Variants in TENM2 observed in about 807,000 individuals in gnomAD.
The protein encoded by TENM2 is teneurin transmembrane protein 2.
TENM2 carries 52 observed loss-of-function variants against 245.2 expected under a neutral mutation model. The ratio of observed to expected loss-of-function variants is 0.21; its 90% CI spans 0.17 to 0.27. The LOEUF is 0.27. TENM2 is among the 10% of genes least tolerant of loss of function. The pLI, the probability that TENM2 is intolerant of heterozygous loss-of-function variation, is 1.00. For missense variants in TENM2, 3,046 were observed against 3,666.8 expected, an observed-to-expected ratio of 0.83 and a Z score of 4.37; for synonymous variants, 1,363 against 1,438.9, an observed-to-expected ratio of 0.95 and a Z score of 1.19.
chr5:166,984,563 T>C, the TENM2 span, among the ~76,000 whole-genome samples: 8 of 152,102 alleles, frequency 5.3e-5, no homozygotes, highest in African/African-American at 1.9e-4. Context: ...TTCAGAAAAT[T>C]GTATAAGCTG....
chr5:168,187,419 A>T (rs541421365), intron 13 of TENM2: 1 of 152,272 alleles, frequency 6.6e-6, no homozygotes, highest in African/African-American at 2.4e-5. Context: ...TTGGAGGGGG[A>T]GGAAATATTT....
chr5:167,807,124 T>TAAA (rs1178739925), intron 2 of TENM2, among the ~76,000 whole-genome samples: 1,156 of 48,936 alleles, frequency 0.024, 76 homozygotes, highest in East Asian at 0.079. Context: ...GCCCCTAGGT[T>TAAA]AAAAAAAAAA....
Position 168,218,810 on chromosome 5 carries a change from G to A in TENM2, c.4919G>A (p.Arg1640Gln), listed in dbSNP as rs902063519. 3.1e-6 allele frequency: 5 copies of A among 1,613,908 alleles called. No homozygotes were observed. The highest frequency in any genetic ancestry group is 1.1e-5 in the South Asian group (1 of 91,074). ...AATGGGAATTCCCTGAAGATCCGTC[G>A]GGACAGCAGTGGCATGCCCCGTCAC... is the stretch of plus-strand genomic sequence containing the variant. Residue 1640 changes from arginine to glutamine, a missense_variant, in exon 23 of 29, where the codon CGG (arginine) becomes CAG (glutamine). Around this residue, in one of 2 missense-constraint regions of TENM2, gnomAD observed 2,704 missense variants for 3,331.9 expected, o/e 0.81. Coordinates refer to ENST00000518659, the Ensembl canonical transcript of TENM2. The surrounding 1 kb of genome is among the most constrained non-coding windows in gnomAD (Gnocchi z 5.2).
At chr5:167,794,032 G>C (rs1452631066) in intron 2 of TENM2, among the ~76,000 whole-genome samples, 1 of 151,560 alleles carries the variant, frequency 6.6e-6, no homozygotes, top group Non-Finnish European at 1.5e-5. Flanking sequence ...AAAAATGATA[G>C]ACAGTGAGGA....
intron 2 of TENM2, among the ~76,000 whole-genome samples, chr5:167,623,840 T>C (rs1778333266): frequency 6.6e-6 from 1 of 152,182 alleles, no homozygotes; most frequent in Admixed American, 6.5e-5. Flanking sequence ...GAACAATGTA[T>C]TTAAAAGTTA....
chr5:167,072,625 C>A, the TENM2 span, among the ~76,000 whole-genome samples: 2 of 152,170 alleles, frequency 1.3e-5, no homozygotes, highest in Non-Finnish European at 2.9e-5. Context: ...GCAACAATTT[C>A]TATGAAATAG....
intron 2 of TENM2, among the ~76,000 whole-genome samples, chr5:167,574,236 T>C (rs761875048): frequency 8.3e-4 from 126 of 152,306 alleles, no homozygotes; most frequent in Non-Finnish European, 1.5e-3. Flanking sequence ...GCATTTATAC[T>C]GAATGATTTC....
intron 2 of TENM2, among the ~76,000 whole-genome samples, chr5:167,505,375 G>C (rs1769475261): frequency 1.3e-5 from 2 of 152,134 alleles, no homozygotes; most frequent in South Asian, 4.1e-4. Context: ...CTTCACACAA[G>C]AGCAGAAGAA....
At chr5:167,069,351 A>C in the TENM2 span, among the ~76,000 whole-genome samples, 1 of 152,180 alleles carries the variant, frequency 6.6e-6, no homozygotes, top group African/African-American at 2.4e-5. Context: ...GTTTAACGGT[A>C]GAAAAGTTCA....
At chr5:168,232,602 C>T (rs1765036055) in intron 25 of TENM2, among the ~76,000 whole-genome samples, 1 of 152,210 alleles carries the variant, frequency 6.6e-6, no homozygotes, top group Admixed American at 6.5e-5. Flanking sequence ...CTGGCAAGCT[C>T]CTGGGAGCCT....
intron 2 of TENM2, among the ~76,000 whole-genome samples, chr5:167,817,133 A>G (rs2151019335): frequency 6.6e-6 from 1 of 152,316 alleles, no homozygotes; most frequent in Non-Finnish European, 1.5e-5. Flanking sequence ...ACAGGAAGCA[A>G]ACGATAGAGT....
intron 2 of TENM2, among the ~76,000 whole-genome samples, chr5:167,404,689 C>T (rs6863407): frequency 0.67 from 101,135 of 151,840 alleles, 34,184 homozygotes; most frequent in Admixed American, 0.74. Flanking sequence ...TGACCCTCTC[C>T]ATGCGTGTTG....
chr5:167,245,796 T>C, the TENM2 span, among the ~76,000 whole-genome samples: 13 of 152,290 alleles, frequency 8.5e-5, no homozygotes, highest in South Asian at 2.7e-3. Context: ...AAATGACATA[T>C]AAAGGAGTAA....
chr5:168,247,783 T>C lies in TENM2; in HGVS notation c.6844T>C (p.Ser2282Pro). ...AGGGTCTGACATCTTCGAATACAAT[T>C]CCAAGGGCCTCCTAACAAGAGCCTA... The change falls in exon 27 of 29, where the codon TCC becomes CCC. Residue 2282 changes from serine (S) to proline (P), a missense_variant. By Grantham distance (74) the Ser-to-Pro change is moderately conservative. Coordinates refer to ENST00000518659, the Ensembl canonical transcript of TENM2. The surrounding 1 kb of genome is among the most constrained non-coding windows in gnomAD (Gnocchi z 7.8). 6.2e-7 allele frequency: 1 copy of C among 1,613,834 alleles called. No homozygotes were observed. Among genetic ancestry groups the C allele is most frequent in the Non-Finnish European group, 8.5e-7 (1 of 1,179,846 alleles).
intron 25 of TENM2, among the ~76,000 whole-genome samples, chr5:168,238,904 A>G (rs1230234961): frequency 6.6e-6 from 1 of 152,250 alleles, no homozygotes; most frequent in Admixed American, 6.5e-5. Context: ...ACAAAATTGT[A>G]TTAACTTAAA....
chr5:167,770,582 C>A (rs922373912), intron 2 of TENM2, among the ~76,000 whole-genome samples: 1 of 152,150 alleles, frequency 6.6e-6, no homozygotes, highest in Non-Finnish European at 1.5e-5. Flanking sequence ...GGATTTGAAC[C>A]AGAACTTGCT....
intron 2 of TENM2, among the ~76,000 whole-genome samples, chr5:167,681,729 T>C (rs1194163458): frequency 6.6e-6 from 1 of 152,092 alleles, no homozygotes; most frequent in Non-Finnish European, 1.5e-5. Context: ...TCCAAAAAGA[T>C]TGTACCAATT....
chr5:167,578,651 T>C (rs1034837281), intron 2 of TENM2, among the ~76,000 whole-genome samples: 2 of 152,204 alleles, frequency 1.3e-5, no homozygotes, highest in East Asian at 3.9e-4. Flanking sequence ...TAGGATGGAT[T>C]TTTATGATCT....
chr5:167,872,603 C>A lies in TENM2; in HGVS notation c.503-3383C>A, dbSNP rs549166240. Among the ~76,000 whole-genome samples, 475 of 151,910 alleles carry A rather than the reference C, an allele frequency of 3.1e-3. 1 individual carries two copies. Among genetic ancestry groups the A allele is most frequent in the South Asian group, 0.023 (112 of 4,804 alleles). ...GAAAGAGTATACCATTTGCTGGGGG[C>A]AGATCTAGGGACTGAGAAATTTCCG... On this transcript the variant is annotated intron_variant, in intron 2 of 28. Coordinates refer to ENST00000518659, the Ensembl canonical transcript of TENM2.
Sources: gnomAD v4.1 joint callset for allele counts (sites outside exome capture counted in the v4.1 genomes callset) on GRCh38, gnomAD v4.1.1 for gene constraint, gnomAD v4.1.1 regional missense constraint, Gnocchi (gnomAD v3.1) non-coding constraint, MANE v1.5 for transcripts, NCBI Gene and HGNC (gene_info 2026-07-23, HGNC 2026-07-21) for gene names.